Variants in NEK1 observed in about 807,000 individuals in gnomAD.
NEK1 encodes the protein NIMA related kinase 1, also known as serine/threonine-protein kinase Nek1.
NEK1 carries 137 observed loss-of-function variants against 182.1 expected under a neutral mutation model. The ratio of observed to expected loss-of-function variants is 0.75; its 90% CI spans 0.65 to 0.87. NEK1 has a LOEUF of 0.87. Among genes scored for constraint, NEK1 ranks in the 40% least tolerant of loss-of-function variants. The pLI, the probability that NEK1 is intolerant of heterozygous loss-of-function variation, is 0.00. For synonymous variants in NEK1, 513 were observed against 492.2 expected, an observed-to-expected ratio of 1.04 and a Z score of -0.56; for missense variants, 1,391 against 1,494.4, an observed-to-expected ratio of 0.93 and a Z score of 1.14.
At chr4:169,598,203 T>C (rs1389030648) in intron 5 of NEK1, among the ~76,000 whole-genome samples, 4 of 152,162 alleles carry the variant, frequency 2.6e-5, no homozygotes, top group Non-Finnish European at 1.5e-5. Flanking sequence ...ACACTGACTA[T>C]GTGATTTGGG....
intron 18 of NEK1, among the ~76,000 whole-genome samples, chr4:169,544,406 A>T (rs2149843930): frequency 6.6e-6 from 1 of 152,252 alleles, no homozygotes; most frequent in East Asian, 1.9e-4. Flanking sequence ...AATGTTCATC[A>T]GGGATATTGG....
chr4:169,608,525 T>TC (rs1771772989), intron 2 of NEK1, among the ~76,000 whole-genome samples: 1 of 152,202 alleles, frequency 6.6e-6, no homozygotes, highest in South Asian at 2.1e-4. Context: ...TTAGAGTGGT[T>TC]AGCTGAAGCA....
chr4:169,595,904 CAGAGCCAGACTCCACCTCAAAAAAA>C lies in NEK1; in HGVS notation c.312+3171_312+3195del, dbSNP rs1339998901. Among the ~76,000 whole-genome samples the C allele has an allele frequency of 1.5e-3, 160 of 109,586 alleles. 2 individuals carry two copies. In the South Asian group the frequency reaches 0.047, roughly 32 times the overall value. 71.9% of individuals were successfully genotyped at this position (109,586 alleles called of 152,430 possible). A position where few individuals can be genotyped will look rare whatever the true frequency, so the allele number is the denominator to read the frequency against. On this transcript the variant is annotated intron_variant, in intron 5 of 35. Coordinates refer to ENST00000507142, the MANE Select transcript of NEK1 (RefSeq NM_001199397.3). ...CGCAACAGCACTCCAGCCTGGGGGA[CAGAGCCAGACTCCACCTCAAAAAAA>C]AAAAAAAAAAAAAAAGGAAATATAT...
chr4:169,595,700 G>A (rs1482077173), intron 5 of NEK1, among the ~76,000 whole-genome samples: 1 of 151,990 alleles, frequency 6.6e-6, no homozygotes, highest in Non-Finnish European at 1.5e-5. Context: ...GAGGCGGGCG[G>A]ATCACGAGGT....
In NEK1 at chr4:169,406,681, C is replaced by G. The variant is rs374890006; in HGVS notation, c.3289G>C (p.Val1097Leu). ...LFRTLMDVPTVGDVRQDNLEI... is the reference protein window; with the variant it reads ...LFRTLMDVPTLGDVRQDNLEI... ...AGATTGTCTTGACGAACATCTCCTA[C>G]GGTGGGAACATCCATAAGGGTTCTG... is the stretch of plus-strand genomic sequence containing the variant. Residue 1097 changes from valine to leucine, a missense_variant, in exon 32 of 36, where the codon GTA becomes CTA. This residue lies in a region of NEK1 where 1,216 missense variants were observed against 1,277.6 expected (regional missense o/e 0.95). Transcript: ENST00000507142. 1.1e-5 allele frequency: 17 copies of G among 1,608,970 alleles called. No homozygotes were observed. The Admixed American group carries it at 2.0e-4, about 19-fold the overall frequency.
At chr4:169,480,372 C>G (rs1212977590) in intron 23 of NEK1, among the ~76,000 whole-genome samples, 1 of 152,014 alleles carries the variant, frequency 6.6e-6, no homozygotes, top group Non-Finnish European at 1.5e-5. Context: ...GGTAATATTG[C>G]AATAAAGTGA....
rs547457832 is a variant in NEK1, at chr4:169,607,531, T to C, written c.-49+4489A>G. ...AGGCTGGAGTGCAGTGGCGCAGTCTTGGCTCACTGCAAGCTCCACCTCCCA... is the reference window on the plus strand; with the variant it reads ...AGGCTGGAGTGCAGTGGCGCAGTCTCGGCTCACTGCAAGCTCCACCTCCCA... On this transcript the variant is annotated intron_variant, in intron 2 of 35. Transcript: ENST00000507142. Among the ~76,000 whole-genome samples, 10 of 152,216 alleles carry C rather than the reference T, an allele frequency of 6.6e-5. No homozygotes were observed. The East Asian group carries it at 7.7e-4, about 12-fold the overall frequency.
chr4:169,505,854 A>G (rs1753168295), intron 23 of NEK1, among the ~76,000 whole-genome samples: 1 of 152,246 alleles, frequency 6.6e-6, no homozygotes, highest in Non-Finnish European at 1.5e-5. Context: ...CTGTTAGGAA[A>G]AAAAACCTTT....
At chr4:169,610,788 A>C (rs755745580) in intron 2 of NEK1, among the ~76,000 whole-genome samples, 18 of 152,242 alleles carry the variant, frequency 1.2e-4, no homozygotes, top group Non-Finnish European at 2.5e-4. Flanking sequence ...TTCTATAGAC[A>C]GGCTGTCTTG....
Position 169,535,421 on chromosome 4 carries a change from C to A in NEK1, c.1665+2388G>T, listed in dbSNP as rs186423622. On this transcript the variant is annotated intron_variant, in intron 19 of 35. Transcript: ENST00000507142. ...AGCAGAAGATTAATGCACTTGAAGA[C>A]ACAGCAATAGAACAACCCAAAATGA... Among the ~76,000 whole-genome samples, 313 of 150,780 alleles carry A rather than the reference C, an allele frequency of 2.1e-3. 3 individuals are homozygous for A. Among genetic ancestry groups the A allele is most frequent in the Non-Finnish European group, 1.2e-3 (80 of 67,794 alleles).
At chr4:169,450,609 C>T (rs1741527495) in intron 27 of NEK1, among the ~76,000 whole-genome samples, 1 of 152,014 alleles carries the variant, frequency 6.6e-6, no homozygotes, top group South Asian at 2.1e-4. Context: ...AAATAAAATC[C>T]TTTACAGACA....
intron 19 of NEK1, among the ~76,000 whole-genome samples, chr4:169,514,742 T>C (rs926590256): frequency 6.6e-6 from 1 of 152,210 alleles, no homozygotes; most frequent in Non-Finnish European, 1.5e-5. Flanking sequence ...CTTTTTTATC[T>C]TTGTCAATTT....
At chr4:169,587,115 A>C (rs1439192281) in intron 9 of NEK1, among the ~76,000 whole-genome samples, 3 of 150,284 alleles carry the variant, frequency 2.0e-5, no homozygotes, top group African/African-American at 7.5e-5. Context: ...TAAAAATTTT[A>C]AATACTCTGA....
chr4:169,438,108 T>A lies in NEK1; in HGVS notation c.2739A>T (p.Ser913=). The change falls in exon 28 of 36, where the codon TCA becomes TCT. Residue 913 remains serine, a synonymous_variant. Transcript: ENST00000507142. ...CTTCTAAATTTCCTTCCAGTTTCAA[T>A]GACATCTGTGGAGATGCCTCACTGA... ...PEFSEASPQM[S]LKLEGNLEEP... 1 of 1,611,874 alleles carries A rather than the reference T, an allele frequency of 6.2e-7. No individual in the cohort carries two copies. The highest frequency in any genetic ancestry group is 1.3e-5 in the African/African-American group (1 of 75,050).
intron 23 of NEK1, among the ~76,000 whole-genome samples, chr4:169,488,992 A>G (rs1749557936): frequency 6.6e-6 from 1 of 152,218 alleles, no homozygotes; most frequent in Non-Finnish European, 1.5e-5. Context: ...CACAAACATT[A>G]AGTCAATCTT....
intron 12 of NEK1, among the ~76,000 whole-genome samples, chr4:169,570,417 GC>G (rs1299471901): frequency 6.6e-6 from 1 of 151,146 alleles, no homozygotes; most frequent in African/African-American, 2.4e-5. Context: ...TGGGGGGTCA[GC>G]CCCCCACCAG....
In NEK1 at chr4:169,580,784, T is replaced by C. The variant is rs866364198; in HGVS notation, c.868+58A>G. On this transcript the variant is annotated intron_variant, in intron 11 of 35. Coordinates refer to ENST00000507142, the MANE Select transcript of NEK1 (RefSeq NM_001199397.3). ...TTACTACATCTACATATATTTCCAGTTTAATTAGGGTTGATTATTGCAAAC... is the reference window on the plus strand; with the variant it reads ...TTACTACATCTACATATATTTCCAGCTTAATTAGGGTTGATTATTGCAAAC... The C allele has an allele frequency of 1.1e-5, 11 of 1,021,236 alleles. 1 individual carries two copies. The Middle Eastern group carries it at 1.8e-3, about 168-fold the overall frequency. 63.3% of individuals were successfully genotyped at this position (1,021,236 alleles called of 1,614,324 possible). A position where few individuals can be genotyped will look rare whatever the true frequency, so the allele number is the denominator to read the frequency against.
intron 5 of NEK1, among the ~76,000 whole-genome samples, chr4:169,595,694 C>A (rs751068627): frequency 3.9e-5 from 6 of 151,918 alleles, no homozygotes; most frequent in Admixed American, 3.3e-4. Context: ...GAGGCAGAGG[C>A]GGGCGGATCA....
chr4:169,477,437 T>C lies in NEK1; in HGVS notation c.2200A>G (p.Ile734Val). The change falls in exon 25 of 36, where the codon ATT becomes GTT. Residue 734 changes from isoleucine (I) to valine (V), a missense_variant. Ile to Val is a conservative substitution (Grantham distance 29, BLOSUM62 3). This residue lies in a region of NEK1 where 1,216 missense variants were observed against 1,277.6 expected (regional missense o/e 0.95). Coordinates refer to ENST00000507142, the MANE Select transcript of NEK1 (RefSeq NM_001199397.3). ...ACTTTGAAAATTTTACTTACTGAAATAGCATTGTTGGTCTTTTGCATCTCT... is the reference window on the plus strand; with the variant it reads ...ACTTTGAAAATTTTACTTACTGAAACAGCATTGTTGGTCTTTTGCATCTCT... ...SEEMQKTNNA[I>V]SSKREILRRL... is the part of the protein sequence containing the mutation. The C allele has an allele frequency of 6.2e-7, 1 of 1,604,230 alleles. No individual in the cohort carries two copies. Among genetic ancestry groups the C allele is most frequent in the Non-Finnish European group, 8.5e-7 (1 of 1,175,502 alleles).
Sources: allele counts gnomAD v4.1 joint callset (sites outside exome capture counted in the v4.1 genomes callset), GRCh38; gene constraint gnomAD v4.1.1; regional missense constraint gnomAD v4.1.1; transcripts MANE v1.5; gene names NCBI Gene and HGNC (gene_info 2026-07-23, HGNC 2026-07-21).